Variants in PLEKHA7 observed in about 807,000 individuals in gnomAD.
PLEKHA7 encodes the protein pleckstrin homology domain-containing family A member 7.
In PLEKHA7, 104 loss-of-function variants were observed where a neutral mutation model predicts 170.0. The ratio of observed to expected loss-of-function variants is 0.61; its 90% confidence interval spans 0.52 to 0.72. PLEKHA7 has a LOEUF of 0.72. PLEKHA7 is among the 30% of genes least tolerant of loss of function. The pLI, the probability that PLEKHA7 is intolerant of heterozygous loss-of-function variation, is 0.00. For synonymous variants in PLEKHA7, 648 were observed against 660.8 expected (o/e 0.98, Z 0.30); for missense variants, 1,615 against 1,671.7 (o/e 0.97, Z 0.59).
At chr11:17,014,081 G>T in intron 2 of PLEKHA7, 35 bp from the exon 3 acceptor site, 7 of 1,581,370 alleles carry the variant, frequency 4.4e-6, no homozygotes, top group Non-Finnish European at 5.2e-6. Flanking sequence ...GTCAAACTTG[G>T]GCCGCCGCTG....
At chr11:16,979,381 C>G (rs1370964045) in intron 3 of PLEKHA7, among the ~76,000 whole-genome samples, 1 of 151,888 alleles carries the variant, frequency 6.6e-6, no homozygotes, top group African/African-American at 2.4e-5. Flanking sequence ...TCCACCCCCA[C>G]CACCTTCAGA....
chr11:16,986,320 G>C (rs1480337281), intron 3 of PLEKHA7, among the ~76,000 whole-genome samples: 1 of 152,188 alleles, frequency 6.6e-6, no homozygotes, highest in East Asian at 1.9e-4. Flanking sequence ...TCTTTAGGAG[G>C]CACCAGAGAA....
rs58762762 is a variant in PLEKHA7, at chr11:16,892,406, TTG to T, written c.222-21226_222-21225del. 4.3e-3 allele frequency among the ~76,000 whole-genome samples: 591 copies of T among 136,852 alleles called. 3 individuals are homozygous for T. Among genetic ancestry groups the T allele is most frequent in the African/African-American group, 7.7e-3 (292 of 37,858 alleles). 89.8% of individuals were successfully genotyped at this position (136,852 alleles called of 152,430 possible). A position where few individuals can be genotyped will look rare whatever the true frequency, so the allele number is the denominator to read the frequency against. On this transcript the variant is annotated intron_variant, in intron 3 of 26. Transcript: ENST00000531066. ...GCCATGCAGGAGAGGTTGTTTTATT[TTG>T]TGTGTGTGTGTGTGTGTGTGTGTGT...
At chr11:16,961,653 C>T (rs1402010962) in intron 3 of PLEKHA7, among the ~76,000 whole-genome samples, 1 of 152,206 alleles carries the variant, frequency 6.6e-6, no homozygotes, top group Non-Finnish European at 1.5e-5. Context: ...CACACCCTGG[C>T]ATCATCAAAG....
At chr11:16,982,816 GAGAC>G (rs1863516702) in intron 3 of PLEKHA7, among the ~76,000 whole-genome samples, 3 of 132,030 alleles carry the variant, frequency 2.3e-5, no homozygotes, top group African/African-American at 9.0e-5. Flanking sequence ...CGGAGAAAGA[GAGAC>G]AGAGAGAGAG....
intron 3 of PLEKHA7, among the ~76,000 whole-genome samples, chr11:16,908,303 GTATT>G (rs1857996729): frequency 6.6e-6 from 1 of 150,922 alleles, no homozygotes; most frequent in African/African-American, 2.4e-5. Context: ...TTAAAATGAG[GTATT>G]TAGAGTGGAT....
rs573091958 is a variant in PLEKHA7 at position 16,939,856 on chromosome 11, T to C, written c.222-68674A>G. 2.0e-5 allele frequency among the ~76,000 whole-genome samples: 3 copies of C among 152,120 alleles called. No homozygotes were observed. In the East Asian group the frequency reaches 5.8e-4, roughly 29 times the overall value. ...TGAAAGGGTGCCTTGGGATAGAAAA[T>C]GTGTGTGGGGTGAAGGGACTGGGGA... is the stretch of plus-strand genomic sequence containing the variant. On this transcript the variant is annotated intron_variant, in intron 3 of 26. Transcript: ENST00000531066.
At position 16,875,395 on chromosome 11, in the gene PLEKHA7, G is replaced by A. The variant is rs1396923198; in HGVS notation, c.222-4213C>T. ...AAAAGACTCATACATTGAGAAAAGA[G>A]ATGAACCAGAGTAATGGCTTCTGAA... On this transcript the variant is annotated intron_variant, in intron 3 of 26. Coordinates refer to ENST00000531066, the MANE Select transcript of PLEKHA7 (RefSeq NM_001329630.2). 2.0e-5 allele frequency among the ~76,000 whole-genome samples: 3 copies of A among 150,974 alleles called. 1 individual carries two copies. Among genetic ancestry groups the A allele is most frequent in the Admixed American group, 1.3e-4 (2 of 15,144 alleles).
intron 3 of PLEKHA7, among the ~76,000 whole-genome samples, chr11:16,927,481 C>T (rs1039107469): frequency 6.6e-6 from 1 of 152,172 alleles, no homozygotes; most frequent in African/African-American, 2.4e-5. Flanking sequence ...CCCCCACAAC[C>T]CAGCCACCAG....
chr11:16,920,646 C>T (rs949094920), intron 3 of PLEKHA7, among the ~76,000 whole-genome samples: 2 of 152,188 alleles, frequency 1.3e-5, no homozygotes, highest in Admixed American at 1.3e-4. Context: ...AAGTCAGGGA[C>T]CTGGAGTCCA....
intron 24 of PLEKHA7, among the ~76,000 whole-genome samples, chr11:16,784,417 AT>A (rs1322044441): frequency 2.6e-5 from 4 of 152,192 alleles, no homozygotes; most frequent in East Asian, 1.9e-4. Flanking sequence ...TAAATGGATG[AT>A]TGACAGGTGG....
intron 3 of PLEKHA7, chr11:16,881,676 C>G (rs969809354): frequency 6.6e-6 from 1 of 152,230 alleles, no homozygotes; most frequent in Non-Finnish European, 1.5e-5. Flanking sequence ...AAGAAACACC[C>G]CTATCTACAG....
intron 3 of PLEKHA7, among the ~76,000 whole-genome samples, chr11:16,958,371 CAT>C (rs10584726): frequency 0.053 from 8,127 of 152,092 alleles, 300 homozygotes; most frequent in African/African-American, 0.11. Context: ...AACTTTGTAT[CAT>C]AATGCAATAT....
chr11:16,853,865 G>C (rs1419701595), intron 6 of PLEKHA7, among the ~76,000 whole-genome samples: 2 of 152,146 alleles, frequency 1.3e-5, no homozygotes, highest in South Asian at 2.1e-4. Flanking sequence ...GATTTTAAGG[G>C]GACTTTTGGG....
At chr11:16,878,017 T>A (rs575886135) in intron 3 of PLEKHA7, among the ~76,000 whole-genome samples, 1 of 152,316 alleles carries the variant, frequency 6.6e-6, no homozygotes, top group East Asian at 1.9e-4. Context: ...AGGGCAAGAA[T>A]AGAATGAGCC....
intron 8 of PLEKHA7, among the ~76,000 whole-genome samples, chr11:16,842,027 G>A (rs1270538249): frequency 7.2e-5 from 11 of 152,202 alleles, no homozygotes; most frequent in Non-Finnish European, 1.6e-4. Context: ...AGGCTTTTCA[G>A]AAAACCCTCA....
chr11:16,789,198 C>A lies in PLEKHA7; in HGVS notation c.3255G>T (p.Lys1085Asn), dbSNP rs1484891090. The A allele has an allele frequency of 6.2e-7, 1 of 1,613,306 alleles. No individual in the cohort carries two copies. Among genetic ancestry groups the A allele is most frequent in the East Asian group, 2.2e-5 (1 of 44,886 alleles). ...TCCTCTTGCGCTCTCGGACCAGGGC[C>A]TTCTGGTGTCGCTTCATGCGCTCCA... ...EQLERMKRHQ[K>N]ALVRERKRTL... Residue 1085 changes from lysine to asparagine, a missense_variant, in exon 23 of 27, where the codon AAG becomes AAT. Transcript: ENST00000531066. This position sits in a 1 kb window ranked among gnomAD's most constrained non-coding sequence, Gnocchi z 4.6.
chr11:16,947,926 A>AG (rs1266622744), intron 3 of PLEKHA7, among the ~76,000 whole-genome samples: 17 of 149,514 alleles, frequency 1.1e-4, no homozygotes, highest in African/African-American at 1.5e-4. Context: ...AAAAAAAAAA[A>AG]AAAAAAGAAA....
chr11:16,846,218 G>A (rs1852396267), intron 8 of PLEKHA7, among the ~76,000 whole-genome samples: 3 of 152,146 alleles, frequency 2.0e-5, no homozygotes, highest in Non-Finnish European at 1.5e-5. Context: ...CTGGGAGGCA[G>A]AGGTTGCAGT....
Sources: gnomAD v4.1 joint callset for allele counts (sites outside exome capture counted in the v4.1 genomes callset) on GRCh38, gnomAD v4.1.1 for gene constraint, Gnocchi (gnomAD v3.1) non-coding constraint, MANE v1.5 for transcripts, NCBI Gene and HGNC (gene_info 2026-07-23, HGNC 2026-07-21) for gene names.